The following R3HDM4 variants were observed in gnomAD, a reference collection of about 807,000 sequenced individuals.
The protein encoded by R3HDM4 is R3H domain containing 4.
A neutral mutation model predicts 31.3 loss-of-function variants in R3HDM4; 30 were observed. That is an observed-to-expected ratio of 0.96 (90% CI 0.72 to 1.30). The LOEUF is 1.30. Among genes scored for constraint, R3HDM4 ranks in the 50% most tolerant of loss-of-function variants. R3HDM4 has a pLI of 0.00. For missense variants in R3HDM4, 444 were observed against 366.1 expected (o/e 1.21, Z -1.74); for synonymous variants, 196 against 156.6 (o/e 1.25, Z -1.88).
chr19:911,310 G>A (rs927444649), intron 1 of R3HDM4, among the ~76,000 whole-genome samples: 4 of 152,136 alleles, frequency 2.6e-5, no homozygotes, highest in Non-Finnish European at 4.4e-5. Context: ...TGAACGTGGT[G>A]GCGGGCGCCT....
chr19:913,051 C>CT lies in R3HDM4; in HGVS notation c.71+35_71+36insA, dbSNP rs993089905. 82 of 881,482 alleles carry CT rather than the reference C, an allele frequency of 9.3e-5. 1 individual carries two copies. The highest frequency in any genetic ancestry group is 1.1e-4 in the Non-Finnish European group (80 of 725,970). 54.6% of individuals were successfully genotyped at this position (881,482 alleles called of 1,614,324 possible). A position where few individuals can be genotyped will look rare whatever the true frequency, so the allele number is the denominator to read the frequency against. ...CTCAGGGGAGGGAGCCCAGCCCGCC[C>CT]CCGGCGCCCGCCGCGCCCCGCCCGC... On this transcript the variant is annotated intron_variant, in intron 1 of 7. Transcript: ENST00000361574. The surrounding 1 kb of genome is among the most constrained non-coding windows in gnomAD (Gnocchi z 5.0).
chr19:901,098 G>A (rs996728532), intron 3 of R3HDM4, 146 bp from the exon 4 acceptor site: 6 of 1,097,712 alleles, frequency 5.5e-6, no homozygotes, highest in African/African-American at 4.8e-5. Flanking sequence ...TGCTTGTGTC[G>A]GGCCCTGAGC....
intron 7 of R3HDM4, 130 bp from the exon 8 acceptor site, chr19:897,670 G>T: frequency 1.4e-6 from 1 of 708,364 alleles, no homozygotes; most frequent in Non-Finnish European, 2.4e-6. Flanking sequence ...GCTGGTCACT[G>T]CGGCCTGGCT....
At chr19:909,489 C>T (rs1229020238) in intron 1 of R3HDM4, among the ~76,000 whole-genome samples, 1 of 152,134 alleles carries the variant, frequency 6.6e-6, no homozygotes, top group Non-Finnish European at 1.5e-5. Flanking sequence ...ATAGGAGTCA[C>T]TACACCTGGG....
chr19:903,718 C>T (rs1380738726), intron 1 of R3HDM4, among the ~76,000 whole-genome samples: 2 of 152,052 alleles, frequency 1.3e-5, no homozygotes, highest in African/African-American at 4.8e-5. Flanking sequence ...ACTGCAATAC[C>T]GCGCGCTCCA....
rs1239098441 is a variant in R3HDM4 at position 896,572 on chromosome 19, G to C, written c.*865C>G. The C allele has an allele frequency of 6.6e-6, 1 of 152,600 alleles. No individual in the cohort carries two copies. Among genetic ancestry groups the C allele is most frequent in the Non-Finnish European group, 1.5e-5 (1 of 68,068 alleles). The allele number at this position is 152,600 out of a possible 1,614,324, so 9.5% of individuals were successfully genotyped here. A position where few individuals can be genotyped will look rare whatever the true frequency, so the allele number is the denominator to read the frequency against. ...ACACAATTACCCACACGCAGCAAGG[G>C]GGTGCGGAGGCCCCCCAGCCTGGCT... On this transcript the variant is annotated 3_prime_UTR_variant, in exon 8 of 8. Coordinates refer to ENST00000361574, the MANE Select transcript of R3HDM4 (RefSeq NM_138774.4). This position sits in a 1 kb window ranked among gnomAD's most constrained non-coding sequence, Gnocchi z 4.0.
chr19:912,901 C>T (rs2036998051), intron 1 of R3HDM4, among the ~76,000 whole-genome samples, 186 bp downstream of exon 1: 1 of 151,536 alleles, frequency 6.6e-6, no homozygotes. Context: ...GCCTGGGGGT[C>T]CACAGCGGGC....
At position 899,690 on chromosome 19, in the gene R3HDM4, G is replaced by C. The variant is rs750854305; in HGVS notation, c.562-4C>G. On this transcript the variant is annotated splice_polypyrimidine_tract_variant and splice_region_variant and intron_variant, in intron 5 of 7. Coordinates refer to ENST00000361574, the MANE Select transcript of R3HDM4 (RefSeq NM_138774.4). The surrounding 1 kb of genome is among the most constrained non-coding windows in gnomAD (Gnocchi z 6.8). ...CCTCCCAGGTCTCCAGCGTTTCCTG[G>C]GGAGAGCGGCCCGGTGGTCAGGGAA... 1.0e-5 allele frequency: 16 copies of C among 1,576,118 alleles called. No individual in the cohort carries two copies. Among genetic ancestry groups the C allele is most frequent in the African/African-American group, 1.4e-5 (1 of 73,436 alleles).
chr19:903,721 G>C (rs1004954695), intron 1 of R3HDM4, among the ~76,000 whole-genome samples: 1 of 152,242 alleles, frequency 6.6e-6, no homozygotes, highest in East Asian at 1.9e-4. Context: ...GCAATACCGC[G>C]CGCTCCAGCC....
At chr19:909,175 C>T (rs991470677) in intron 1 of R3HDM4, among the ~76,000 whole-genome samples, 1 of 152,174 alleles carries the variant, frequency 6.6e-6, no homozygotes, top group Non-Finnish European at 1.5e-5. Context: ...ACAGGCCTCC[C>T]GGCCACTCCC....
At chr19:902,287 TC>T in intron 1 of R3HDM4, 157 bp from the exon 2 acceptor site, 1 of 724,164 alleles carries the variant, frequency 1.4e-6, no homozygotes, top group Non-Finnish European at 2.2e-6. Flanking sequence ...CTATTTTGTT[TC>T]ATCCTCACAT....
At position 906,242 on chromosome 19, in the gene R3HDM4, C is replaced by T. The variant is rs148608692; in HGVS notation, c.72-4112G>A. On this transcript the variant is annotated intron_variant, in intron 1 of 7. Transcript: ENST00000361574. ...GGGATTTTTTTTTTTTTTTTTGAGA[C>T]AGAGTCTCGCTCTGTCGCCCAGGCT... Among the ~76,000 whole-genome samples the T allele has an allele frequency of 4.7e-3, 652 of 137,264 alleles. 6 individuals are homozygous for T. Among genetic ancestry groups the T allele is most frequent in the African/African-American group, 0.018 (628 of 35,224 alleles). The allele number at this position is 137,264 out of a possible 152,430, so 90.1% of individuals were successfully genotyped here.
chr19:898,446 C>T (rs2036773732), intron 7 of R3HDM4, among the ~76,000 whole-genome samples: 1 of 128,180 alleles, frequency 7.8e-6, no homozygotes, highest in Non-Finnish European at 1.6e-5. Flanking sequence ...ACTAAAAATA[C>T]AAAATTAGCC....
At chr19:906,209 G>A (rs1465485607) in intron 1 of R3HDM4, among the ~76,000 whole-genome samples, 1 of 146,906 alleles carries the variant, frequency 6.8e-6, no homozygotes, top group Non-Finnish European at 1.5e-5. Context: ...TTTATTTTTA[G>A]TAGAGATGGG....
chr19:906,026 A>AC (rs202150673), intron 1 of R3HDM4, among the ~76,000 whole-genome samples: 10 of 147,198 alleles, frequency 6.8e-5, no homozygotes, highest in South Asian at 6.4e-4. Context: ...TCACCCTGAA[A>AC]CCCCCTTTTT....
In R3HDM4 at chr19:900,971, G is replaced by T; in HGVS notation, c.352-19C>A. On this transcript the variant is annotated intron_variant, in intron 3 of 7. Coordinates refer to ENST00000361574, the MANE Select transcript of R3HDM4 (RefSeq NM_138774.4). The stretch of plus-strand genomic sequence containing the variant: ...TCCAGACCTGGAAGAGAGGCAGGGA[G>T]GCAGGCTTGCCATGAAACACTGGGG... The T allele has an allele frequency of 6.4e-7, 1 of 1,550,736 alleles. No homozygotes were observed. The highest frequency in any genetic ancestry group is 8.7e-7 in the Non-Finnish European group (1 of 1,147,302).
intron 7 of R3HDM4, among the ~76,000 whole-genome samples, chr19:898,299 G>T (rs535516497): frequency 6.0e-5 from 9 of 150,596 alleles, no homozygotes; most frequent in Non-Finnish European, 1.3e-4. Context: ...CAGCTACTCG[G>T]GAGGCTGAGG....
At chr19:901,278 C>G in intron 3 of R3HDM4, 144 bp downstream of exon 3, 1 of 937,202 alleles carries the variant, frequency 1.1e-6, no homozygotes, top group South Asian at 1.7e-5. Flanking sequence ...GGTCTGGGGA[C>G]CCCGAAGGAG....
Position 899,459 on chromosome 19 carries a change from G to GTACT in R3HDM4, c.680_683dup (p.Tyr228Ter). 6.2e-7 allele frequency: 1 copy of GTACT among 1,613,694 alleles called. No homozygotes were observed. The highest frequency in any genetic ancestry group is 8.5e-7 in the Non-Finnish European group (1 of 1,179,958). On this transcript the variant is annotated stop_gained and frameshift_variant, in exon 7 of 8. Transcript: ENST00000361574. LOFTEE classifies it high-confidence loss of function. This position sits in a 1 kb window ranked among gnomAD's most constrained non-coding sequence, Gnocchi z 6.8. ...ACTTACTGGCCGAGATGAGGTCCAT[G>GTACT]TACTGGCAGACAGCGTGCAGCAGAA... is the stretch of plus-strand genomic sequence containing the variant.
Sources: gnomAD v4.1 joint callset for allele counts (sites outside exome capture counted in the v4.1 genomes callset) on GRCh38, gnomAD v4.1.1 for gene constraint, Gnocchi (gnomAD v3.1) non-coding constraint, MANE v1.5 for transcripts, NCBI Gene and HGNC (gene_info 2026-07-23, HGNC 2026-07-21) for gene names.